Variants in NT5C1A observed in about 807,000 individuals in gnomAD.
NT5C1A encodes the protein 5'-nucleotidase, cytosolic IA, also known as cytosolic 5'-nucleotidase 1A.
A neutral mutation model predicts 31.0 loss-of-function variants in NT5C1A; 18 were observed. That is an observed-to-expected ratio of 0.58 (90% CI 0.40 to 0.86). NT5C1A has a LOEUF of 0.86. Among genes scored for constraint, NT5C1A ranks in the 40% least tolerant of loss-of-function variants. NT5C1A has a pLI of 0.00. For synonymous variants in NT5C1A, 185 were observed against 203.6 expected, an observed-to-expected ratio of 0.91 and a Z score of 0.78; for missense variants, 470 against 505.4, an observed-to-expected ratio of 0.93 and a Z score of 0.67.
chr1:39,671,904 C>G lies in NT5C1A; in HGVS notation c.135G>C (p.Ser45=). ...DNLAPKKKPK[S]PKPQNAVTIA... ...CCGCATACCCGTGCATTGCTTTTACCGATTTGGGTTTCTTCTTGGGCGCGA... is the reference window on the plus strand; with the variant it reads ...CCGCATACCCGTGCATTGCTTTTACGGATTTGGGTTTCTTCTTGGGCGCGA... Residue 45 remains serine (S), a splice_region_variant and synonymous_variant, in exon 1 of 6, where the codon TCG becomes TCC. Transcript: ENST00000235628. The G allele has an allele frequency of 1.2e-6, 2 of 1,613,486 alleles. No individual in the cohort carries two copies. Among genetic ancestry groups the G allele is most frequent in the Non-Finnish European group, 1.7e-6 (2 of 1,179,840 alleles).
In NT5C1A at chr1:39,658,187, T is replaced by C. The variant is rs1646472969; in HGVS notation, c.*934A>G. On this transcript the variant is annotated 3_prime_UTR_variant, in exon 6 of 6. Transcript: ENST00000235628. The stretch of plus-strand genomic sequence containing the variant: ...GAAACACTGAGCAGGCAGCTACTAA[T>C]GCTTCTCCCGGGAAGAGCCTGCAGT... Among the ~76,000 whole-genome samples the C allele has an allele frequency of 6.6e-6, 1 of 152,180 alleles. No homozygotes were observed. The highest frequency in any genetic ancestry group is 1.5e-5 in the Non-Finnish European group (1 of 68,032).
At chr1:39,659,758 A>G (rs1437087212) in intron 5 of NT5C1A, among the ~76,000 whole-genome samples, 1 of 152,236 alleles carries the variant, frequency 6.6e-6, no homozygotes, top group Admixed American at 6.5e-5. Context: ...ATCAAGGTAT[A>G]CAGATGTCTG....
At position 39,659,484 on chromosome 1, in the gene NT5C1A, G is replaced by T; in HGVS notation, c.744C>A (p.Gly248=). Residue 248 remains glycine (G), a splice_region_variant and synonymous_variant, in exon 6 of 6, where the codon GGC becomes GGA. Coordinates refer to ENST00000235628, the MANE Select transcript of NT5C1A (RefSeq NM_032526.3). Reference sequence around the variant, plus strand: ...GTGCCTCCAGAAAGCCCTTTAAGGGGCCCTATGAGAAGGCAAGGGGAACAT... The same window carrying T: ...GTGCCTCCAGAAAGCCCTTTAAGGGTCCCTATGAGAAGGCAAGGGGAACAT... ...KAHENKPLAQ[G]PLKGFLEALG... The T allele has an allele frequency of 6.4e-7, 1 of 1,559,480 alleles. No homozygotes were observed. Among genetic ancestry groups the T allele is most frequent in the South Asian group, 1.2e-5 (1 of 83,072 alleles).
In NT5C1A at chr1:39,663,161, G is replaced by A. The variant is rs977610264; in HGVS notation, c.556+151C>T. 1.3e-5 allele frequency: 11 copies of A among 831,446 alleles called. No individual in the cohort carries two copies. In the African/African-American group the frequency reaches 1.7e-4, roughly 13 times the overall value. The allele number at this position is 831,446 out of a possible 1,614,324, so 51.5% of individuals were successfully genotyped here. ...CCTTGGTTTCAGAATTTATAGGACA[G>A]ATTATAAGAATTAAGGAAAGTATTG... On this transcript the variant is annotated intron_variant, in intron 4 of 5. Coordinates refer to ENST00000235628, the MANE Select transcript of NT5C1A (RefSeq NM_032526.3).
rs375704081 is a variant in NT5C1A, at chr1:39,666,079, G to C, written c.293C>G (p.Pro98Arg). 1.2e-6 allele frequency: 2 copies of C among 1,612,976 alleles called. No homozygotes were observed. Among genetic ancestry groups the C allele is most frequent in the Non-Finnish European group, 1.7e-6 (2 of 1,179,618 alleles). The part of the protein sequence containing the change: ...NEPFSPGPAF[P>R]FVKALEAVNR... ...GAACTGCTCCCTCACCTTCACAAAA[G>C]GGAAGGCTGGCCCGGGACTGAAGGG... The change falls in exon 2 of 6, where the codon CCT becomes CGT. Residue 98 changes from proline (P) to arginine (R), a missense_variant. Pro to Arg is a moderately radical substitution (Grantham distance 103). Coordinates refer to ENST00000235628, the MANE Select transcript of NT5C1A (RefSeq NM_032526.3).
chr1:39,666,743 T>C (rs1646525941), intron 1 of NT5C1A, among the ~76,000 whole-genome samples: 1 of 152,132 alleles, frequency 6.6e-6, no homozygotes. Flanking sequence ...CCTCTCAAAG[T>C]TAACATTCCC....
intron 1 of NT5C1A, among the ~76,000 whole-genome samples, chr1:39,668,897 A>G (rs550014372): frequency 6.6e-6 from 1 of 152,314 alleles, no homozygotes; most frequent in Admixed American, 6.5e-5. Flanking sequence ...TGTGTAAGAA[A>G]TATGGATCCC....
Position 39,663,347 on chromosome 1 carries a change from G to A in NT5C1A, c.521C>T (p.Ala174Val). The change falls in exon 4 of 6, where the codon GCC (alanine) becomes GTC (valine). Residue 174 changes from alanine to valine, a missense_variant. By Grantham distance (64) the Ala-to-Val change is moderately conservative. Coordinates refer to ENST00000235628, the MANE Select transcript of NT5C1A (RefSeq NM_032526.3). ...GGCTTCTCGCACTTTTTCCGCATCG[G>A]CTGACAAGTAGAGGTTGGTGTGATA... is the stretch of plus-strand genomic sequence containing the variant. Reference protein sequence around the residue: ...KAYHTNLYLSADAEKVREAID... With the variant: ...KAYHTNLYLSVDAEKVREAID... The A allele has an allele frequency of 6.2e-7, 1 of 1,614,128 alleles. No homozygotes were observed.
rs1023363951 is a variant in NT5C1A, at chr1:39,653,934, C to T, written c.*5187G>A. ...CAAAACCCAACACCAATAGGGATGG[C>T]AAAATAGGTTTCATCTTTCACACCA... is the stretch of plus-strand genomic sequence containing the variant. On this transcript the variant is annotated 3_prime_UTR_variant, in exon 6 of 6. Coordinates refer to ENST00000235628, the MANE Select transcript of NT5C1A (RefSeq NM_032526.3). Among the ~76,000 whole-genome samples the T allele has an allele frequency of 3.9e-5, 6 of 152,270 alleles. No homozygotes were observed. Among genetic ancestry groups the T allele is most frequent in the Admixed American group, 2.0e-4 (3 of 15,302 alleles).
At position 39,663,251 on chromosome 1, in the gene NT5C1A, C is replaced by T. The variant is rs758971453; in HGVS notation, c.556+61G>A. The stretch of plus-strand genomic sequence containing the variant: ...CCTGCTCGGAACTTCAGGACCAGGC[C>T]TCCCACCTCAGGGACCCCTTTGCTG... On this transcript the variant is annotated intron_variant, in intron 4 of 5. Transcript: ENST00000235628. 5 of 1,604,286 alleles carry T rather than the reference C, an allele frequency of 3.1e-6. No individual in the cohort carries two copies. In the African/African-American group the frequency reaches 6.7e-5, roughly 21 times the overall value.
At chr1:39,664,497 T>TCCTCTCCTCTCCTCC (rs1646510292) in intron 3 of NT5C1A, among the ~76,000 whole-genome samples, 1 of 1,824 alleles carries the variant, frequency 5.5e-4, no homozygotes, top group African/African-American at 2.4e-3. Context: ...TCTCCTCCTC[T>TCCTCTCCTCTCCTCC]CCTCTCCTCT....
At chr1:39,664,496 CTCCT>C (rs1570459620) in intron 3 of NT5C1A, among the ~76,000 whole-genome samples, 2 of 54,736 alleles carry the variant, frequency 3.7e-5, no homozygotes, top group Non-Finnish European at 3.6e-5. Flanking sequence ...TTCTCCTCCT[CTCCT>C]CTCCTCTCCT....
intron 1 of NT5C1A, among the ~76,000 whole-genome samples, chr1:39,670,772 T>C (rs928749013): frequency 6.6e-6 from 1 of 152,186 alleles, no homozygotes; most frequent in Admixed American, 6.5e-5. Context: ...GCCTGTCCTG[T>C]TTCCCTCTCC....
chr1:39,660,535 G>T (rs1023129381), intron 5 of NT5C1A, among the ~76,000 whole-genome samples: 1 of 152,128 alleles, frequency 6.6e-6, no homozygotes, highest in Non-Finnish European at 1.5e-5. Flanking sequence ...GTCACACCCA[G>T]CTGGATCTCC....
rs1646491692 is a variant in NT5C1A at position 39,661,197 on chromosome 1, A to G, written c.623T>C (p.Val208Ala). Residue 208 changes from valine to alanine, a missense_variant, in exon 5 of 6, where the codon GTG (valine) becomes GCG (alanine). Physicochemically the swap from Val to Ala is moderately conservative, Grantham distance 64. Coordinates refer to ENST00000235628, the MANE Select transcript of NT5C1A (RefSeq NM_032526.3). ...DVVVSQSQLR[V>A]AFDGDAVLFS... Reference sequence around the variant, plus strand: ...GAGCACGGCGTCCCCATCGAAGGCCACGCGCAGCTGACTCTGGGACACAAC... The same window carrying G: ...GAGCACGGCGTCCCCATCGAAGGCCGCGCGCAGCTGACTCTGGGACACAAC... 1.9e-6 allele frequency: 3 copies of G among 1,598,038 alleles called. No homozygotes were observed. The highest frequency in any genetic ancestry group is 1.1e-5 in the South Asian group (1 of 90,636).
At chr1:39,669,271 G>C (rs893601112) in intron 1 of NT5C1A, among the ~76,000 whole-genome samples, 7 of 152,146 alleles carry the variant, frequency 4.6e-5, no homozygotes, top group African/African-American at 1.7e-4. Context: ...ACTTCCTGAG[G>C]AGCTCCCATT....
rs977946903 is a variant in NT5C1A, at chr1:39,661,277, G to A, written c.557-14C>T. 27 of 1,501,638 alleles carry A rather than the reference G, an allele frequency of 1.8e-5. No individual in the cohort carries two copies. Among genetic ancestry groups the A allele is most frequent in the Non-Finnish European group, 2.3e-5 (25 of 1,082,968 alleles). 93.0% of individuals were successfully genotyped at this position (1,501,638 alleles called of 1,614,324 possible). On this transcript the variant is annotated splice_polypyrimidine_tract_variant and intron_variant, in intron 4 of 5. Transcript: ENST00000235628. ...CAGCTGCGATCCCTAGGCAGAGAGA[G>A]GCAAGCATTGTCTGCCTTCAGGCTG...
chr1:39,668,299 G>GC (rs1646533658), intron 1 of NT5C1A, among the ~76,000 whole-genome samples: 1 of 152,122 alleles, frequency 6.6e-6, no homozygotes, highest in African/African-American at 2.4e-5. Context: ...TGCCCTCCCA[G>GC]CCCCATTAGG....
At position 39,653,886 on chromosome 1, in the gene NT5C1A, G is replaced by C. The variant is rs1005204366; in HGVS notation, c.*5235C>G. 6.6e-6 allele frequency among the ~76,000 whole-genome samples: 1 copy of C among 152,144 alleles called. No individual in the cohort carries two copies. The highest frequency in any genetic ancestry group is 1.5e-5 in the Non-Finnish European group (1 of 68,034). On this transcript the variant is annotated 3_prime_UTR_variant, in exon 6 of 6. Coordinates refer to ENST00000235628, the MANE Select transcript of NT5C1A (RefSeq NM_032526.3). ...ATATCCTCAGAGGATGAACATTCTG[G>C]GCCTTGCATGCCTCTTGGATAGCAA...
Sources: gnomAD v4.1 joint callset for allele counts (sites outside exome capture counted in the v4.1 genomes callset) on GRCh38, gnomAD v4.1.1 for gene constraint, MANE v1.5 for transcripts, NCBI Gene and HGNC (gene_info 2026-07-23, HGNC 2026-07-21) for gene names.